Variants in PDSS1 observed in about 807,000 individuals in gnomAD.
The protein encoded by PDSS1 is all trans-polyprenyl-diphosphate synthase PDSS1.
PDSS1 carries 43 observed loss-of-function variants against 57.5 expected under a neutral mutation model. The observed-to-expected ratio is 0.75, with a 90% CI of 0.59 to 0.96. PDSS1 has a LOEUF of 0.96. Among genes scored for constraint, PDSS1 ranks in the 50% least tolerant of loss-of-function variants. PDSS1 has a pLI of 0.00. For missense variants in PDSS1, 438 were observed against 527.8 expected (o/e 0.83, Z 1.67); for synonymous variants, 175 against 191.3 (o/e 0.91, Z 0.70).
At chr10:26,720,384 ATC>A in intron 6 of PDSS1, 25 bp downstream of exon 6, 1 of 1,487,534 alleles carries the variant, frequency 6.7e-7, no homozygotes, top group Non-Finnish European at 9.4e-7. Flanking sequence ...TTTTTTTAAA[ATC>A]TCTCTTACTG....
At chr10:26,742,426 A>G in intron 10 of PDSS1, 71 bp from the exon 11 acceptor site, 1 of 1,053,370 alleles carries the variant, frequency 9.5e-7, no homozygotes, top group South Asian at 1.3e-5. Flanking sequence ...GTTACAAACT[A>G]GTGTTAGAAC....
At chr10:26,697,873 C>G (rs1474443091) in intron 1 of PDSS1, 33 bp downstream of exon 1, 1 of 1,270,490 alleles carries the variant, frequency 7.9e-7, no homozygotes, top group African/African-American at 1.6e-5. Context: ...CGGCGGGGCT[C>G]AGAGGTCACG....
chr10:26,697,939 A>G, intron 1 of PDSS1, 99 bp downstream of exon 1: 1 of 1,096,658 alleles, frequency 9.1e-7, no homozygotes, highest in Non-Finnish European at 1.1e-6. Context: ...GTGCGTCGCG[A>G]CGCGGGGGCG....
At chr10:26,736,326 G>A (rs550542757) in intron 10 of PDSS1, among the ~76,000 whole-genome samples, 3 of 152,326 alleles carry the variant, frequency 2.0e-5, no homozygotes, top group African/African-American at 4.8e-5. Flanking sequence ...GGAACATCTC[G>A]TTAATAGATT....
intron 5 of PDSS1, among the ~76,000 whole-genome samples, chr10:26,714,431 C>T (rs530322771): frequency 4.0e-5 from 6 of 149,260 alleles, no homozygotes; most frequent in East Asian, 2.0e-4. Flanking sequence ...GCAGAGATTG[C>T]GCCACTGCAC....
chr10:26,739,950 C>T (rs1313396700), intron 10 of PDSS1, among the ~76,000 whole-genome samples: 2 of 152,130 alleles, frequency 1.3e-5, no homozygotes, highest in African/African-American at 4.8e-5. Context: ...TCAAGACCAT[C>T]CTGGCTACGG....
At chr10:26,742,641 A>C (rs1564438691) in intron 11 of PDSS1, 64 bp downstream of exon 11, 1 of 890,064 alleles carries the variant, frequency 1.1e-6, no homozygotes, top group Non-Finnish European at 1.9e-6. Context: ...CTTTAATCCA[A>C]AAATGTAACA....
Position 26,702,227 on chromosome 10 carries a change from G to A in PDSS1, c.162+33G>A, listed in dbSNP as rs1391434258. 3 of 447,216 alleles carry A rather than the reference G, an allele frequency of 6.7e-6. No individual in the cohort carries two copies. In the East Asian group the frequency reaches 2.1e-4, roughly 31 times the overall value. The allele number at this position is 447,216 out of a possible 1,614,324, so 27.7% of individuals were successfully genotyped here. ...TTTGGACTTGGACTTTTGAGTTAAT[G>A]CTAGAATGAGTTAAGACTTTTGGGG... On this transcript the variant is annotated intron_variant, in intron 2 of 11. Transcript: ENST00000376215.
chr10:26,703,881 A>G (rs1835121637), intron 2 of PDSS1, among the ~76,000 whole-genome samples: 1 of 151,848 alleles, frequency 6.6e-6, no homozygotes, highest in Admixed American at 6.6e-5. Flanking sequence ...GGAGATCGAG[A>G]CCATCCTGGC....
In PDSS1 at chr10:26,704,083, C is replaced by CAAAAAAAAAAA. The variant is rs1203931422; in HGVS notation, c.163-585_163-575dup. Among the ~76,000 whole-genome samples the CAAAAAAAAAAA allele has an allele frequency of 6.5e-3, 203 of 31,046 alleles. 30 individuals carry two copies. The highest frequency in any genetic ancestry group is 0.018 in the African/African-American group (182 of 9,930). 20.4% of individuals were successfully genotyped at this position (31,046 alleles called of 152,430 possible). On this transcript the variant is annotated intron_variant, in intron 2 of 11. Transcript: ENST00000376215. ...GACGACAGAACGAGACTCCGTCTCA[C>CAAAAAAAAAAA]AAAAAAAAAAAAAAAAAAATATGGC...
intron 8 of PDSS1, among the ~76,000 whole-genome samples, chr10:26,732,969 C>T (rs1045741605): frequency 1.3e-5 from 2 of 152,028 alleles, no homozygotes; most frequent in Non-Finnish European, 2.9e-5. Flanking sequence ...ATTAGCTGGG[C>T]GTGGTGGCAT....
chr10:26,737,785 A>AG, intron 10 of PDSS1, among the ~76,000 whole-genome samples: 1 of 152,004 alleles, frequency 6.6e-6, no homozygotes, highest in East Asian at 1.9e-4. Flanking sequence ...AAGGAAAAAA[A>AG]AAGATTACTG....
At chr10:26,737,851 C>G (rs1836458789) in intron 10 of PDSS1, among the ~76,000 whole-genome samples, 1 of 152,000 alleles carries the variant, frequency 6.6e-6, no homozygotes, top group African/African-American at 2.4e-5. Flanking sequence ...TCATGAGGCA[C>G]CTACTCATGC....
At chr10:26,745,988 GT>G (rs563602455) in intron 11 of PDSS1, among the ~76,000 whole-genome samples, 1 of 151,584 alleles carries the variant, frequency 6.6e-6, no homozygotes, top group Non-Finnish European at 1.5e-5. Context: ...TTTTACTTGT[GT>G]TTTTTTTACA....
At chr10:26,716,590 G>T (rs1253298443) in intron 5 of PDSS1, among the ~76,000 whole-genome samples, 1 of 151,990 alleles carries the variant, frequency 6.6e-6, no homozygotes, top group Admixed American at 6.6e-5. Flanking sequence ...TACCTGGGAG[G>T]CTCAGGCAGA....
At chr10:26,725,061 A>C (rs973010418) in intron 8 of PDSS1, among the ~76,000 whole-genome samples, 1 of 152,180 alleles carries the variant, frequency 6.6e-6, no homozygotes, top group African/African-American at 2.4e-5. Context: ...ATCCGTAGAC[A>C]AATGTGTGGT....
chr10:26,706,917 A>G (rs1835243764), intron 4 of PDSS1, among the ~76,000 whole-genome samples: 2 of 152,216 alleles, frequency 1.3e-5, no homozygotes, highest in African/African-American at 4.8e-5. Context: ...CAAGTTTTAG[A>G]GCAGGAGAGA....
intron 8 of PDSS1, among the ~76,000 whole-genome samples, chr10:26,727,074 C>T (rs1466456024): frequency 6.8e-6 from 1 of 146,378 alleles, no homozygotes; most frequent in Non-Finnish European, 1.5e-5. Flanking sequence ...AAAAAACAAA[C>T]AAACCAGAAT....
Position 26,723,998 on chromosome 10 carries a change from C to G in PDSS1, c.722-16C>G, listed in dbSNP as rs780402221. The G allele has an allele frequency of 3.1e-6, 5 of 1,606,436 alleles. No homozygotes were observed. In the South Asian group the frequency reaches 4.4e-5, roughly 14 times the overall value. On this transcript the variant is annotated splice_polypyrimidine_tract_variant and intron_variant, in intron 7 of 11. Coordinates refer to ENST00000376215, the MANE Select transcript of PDSS1 (RefSeq NM_014317.5). ...AATAAAGCCACCTCTCAAATGACTC[C>G]TTTCCTTCTTTATAGGTGAATTTCT... is the stretch of plus-strand genomic sequence containing the variant.
Sources: allele counts gnomAD v4.1 joint callset (sites outside exome capture counted in the v4.1 genomes callset), GRCh38; gene constraint gnomAD v4.1.1; transcripts MANE v1.5; gene names NCBI Gene and HGNC (gene_info 2026-07-23, HGNC 2026-07-21).